Variants in TTC7B observed in about 807,000 individuals in gnomAD.
TTC7B encodes tetratricopeptide repeat protein 7B.
Under a neutral mutation model 106.8 loss-of-function variants are expected in TTC7B, and 28 were observed. The observed-to-expected ratio is 0.26, with a 90% CI of 0.19 to 0.36. The LOEUF (loss-of-function observed/expected upper bound fraction) is 0.36. Among genes scored for constraint, TTC7B ranks in the 10% least tolerant of loss-of-function variants. The pLI, the probability that TTC7B is intolerant of heterozygous loss-of-function variation, is 1.00. For missense variants in TTC7B, 862 were observed against 1,076.4 expected (o/e 0.80, Z 2.79); for synonymous variants, 405 against 430.6 (o/e 0.94, Z 0.74).
At chr14:90,765,905 C>T (rs1352395036) in intron 3 of TTC7B, among the ~76,000 whole-genome samples, 1 of 152,206 alleles carries the variant, frequency 6.6e-6, no homozygotes, top group Non-Finnish European at 1.5e-5. Context: ...ACAGAAGTGA[C>T]ATCCAGAGGA....
chr14:90,699,076 A>G (rs2139951878), intron 5 of TTC7B: 1 of 431,082 alleles, frequency 2.3e-6, no homozygotes, highest in African/African-American at 2.0e-5. Context: ...TCCTGGCGAT[A>G]GGTTCCAGTT....
intron 17 of TTC7B, among the ~76,000 whole-genome samples, chr14:90,604,456 C>T (rs1040281520): frequency 2.0e-4 from 30 of 152,090 alleles, no homozygotes; most frequent in African/African-American, 5.8e-4. Context: ...GGTTTCTCGG[C>T]GTGGATGGTT....
At chr14:90,639,388 A>G (rs1369474759) in intron 15 of TTC7B, among the ~76,000 whole-genome samples, 1 of 152,228 alleles carries the variant, frequency 6.6e-6, no homozygotes, top group Non-Finnish European at 1.5e-5. Flanking sequence ...GGAATTTCAC[A>G]TACACTTCAC....
At chr14:90,764,913 G>A (rs1282200832) in intron 3 of TTC7B, among the ~76,000 whole-genome samples, 4 of 152,106 alleles carry the variant, frequency 2.6e-5, no homozygotes, top group Non-Finnish European at 2.9e-5. Context: ...GAGTTACCAT[G>A]TAATCCAATA....
chr14:90,721,602 A>G (rs1888901207), intron 5 of TTC7B, among the ~76,000 whole-genome samples: 1 of 152,058 alleles, frequency 6.6e-6, no homozygotes, highest in South Asian at 2.1e-4. Flanking sequence ...TTCAAGTGTA[A>G]TATATTGCTA....
intron 19 of TTC7B, among the ~76,000 whole-genome samples, chr14:90,560,355 AAGT>A (rs1300373110): frequency 6.6e-6 from 1 of 152,234 alleles, no homozygotes; most frequent in Admixed American, 6.5e-5. Context: ...CACTGCATGC[AAGT>A]GTGAACCAGC....
chr14:90,734,711 C>T (rs1249304805), intron 4 of TTC7B, among the ~76,000 whole-genome samples: 1 of 152,096 alleles, frequency 6.6e-6, no homozygotes, highest in African/African-American at 2.4e-5. Context: ...CTGAGAATTC[C>T]CACCACAGCA....
rs1464546101 is a variant in TTC7B at position 90,757,135 on chromosome 14, C to T, written c.446-12213G>A. Among the ~76,000 whole-genome samples, 2 of 152,196 alleles carry T rather than the reference C, an allele frequency of 1.3e-5. No homozygotes were observed. Among genetic ancestry groups the T allele is most frequent in the African/African-American group, 4.8e-5 (2 of 41,452 alleles). ...GGCATGGCCCCACAGCGCCCCCTCA[C>T]AACCCCTACTACCACATCTCTGGGT... On this transcript the variant is annotated intron_variant, in intron 3 of 19. Coordinates refer to ENST00000328459, the MANE Select transcript of TTC7B (RefSeq NM_001010854.2). The surrounding 1 kb of genome is among the most constrained non-coding windows in gnomAD (Gnocchi z 4.1).
chr14:90,762,550 G>C (rs1890534659), intron 3 of TTC7B, among the ~76,000 whole-genome samples: 1 of 152,194 alleles, frequency 6.6e-6, no homozygotes, highest in East Asian at 1.9e-4. Flanking sequence ...GTCAGGGGCT[G>C]GCAGTTTCCT....
intron 1 of TTC7B, among the ~76,000 whole-genome samples, chr14:90,790,195 T>C (rs570863048): frequency 6.6e-6 from 1 of 152,194 alleles, no homozygotes; most frequent in Admixed American, 6.5e-5. Flanking sequence ...GTGTAAACAA[T>C]AGGAATTTCT....
chr14:90,701,788 G>A (rs1223872452), intron 5 of TTC7B, among the ~76,000 whole-genome samples: 1 of 102,698 alleles, frequency 9.7e-6, no homozygotes, highest in Non-Finnish European at 1.9e-5. Context: ...GTATATGTGT[G>A]TGTGTGTGTA....
At chr14:90,567,221 G>A (rs1044005061) in intron 19 of TTC7B, among the ~76,000 whole-genome samples, 1 of 152,190 alleles carries the variant, frequency 6.6e-6, no homozygotes, top group African/African-American at 2.4e-5. Flanking sequence ...TTGGCAACAT[G>A]AGTGCCAAAG....
intron 5 of TTC7B, among the ~76,000 whole-genome samples, chr14:90,696,748 C>T (rs1887765649): frequency 6.6e-6 from 1 of 152,178 alleles, no homozygotes; most frequent in African/African-American, 2.4e-5. Flanking sequence ...CTCTCACCCA[C>T]ACATATCAGA....
chr14:90,581,611 C>T (rs1891492946), intron 18 of TTC7B, among the ~76,000 whole-genome samples: 1 of 152,186 alleles, frequency 6.6e-6, no homozygotes, highest in African/African-American at 2.4e-5. Context: ...TCCAAGATCC[C>T]AGTCCTGGAG....
intron 1 of TTC7B, among the ~76,000 whole-genome samples, chr14:90,787,942 C>T (rs1188652754): frequency 6.6e-6 from 1 of 152,206 alleles, no homozygotes; most frequent in Non-Finnish European, 1.5e-5. Flanking sequence ...GCAGGGGAAT[C>T]ACCTGAGGTC....
intron 13 of TTC7B, 24 bp downstream of exon 13, chr14:90,652,817 G>C: frequency 1.2e-6 from 2 of 1,613,566 alleles, no homozygotes; most frequent in Non-Finnish European, 1.7e-6. Flanking sequence ...GTACAGCCGA[G>C]TGAAAAGATG....
At chr14:90,760,959 C>T (rs776615120) in intron 3 of TTC7B, among the ~76,000 whole-genome samples, 6 of 152,182 alleles carry the variant, frequency 3.9e-5, no homozygotes, top group Non-Finnish European at 8.8e-5. Flanking sequence ...TCCCTCTACC[C>T]TCCAAGGAAA....
intron 5 of TTC7B, among the ~76,000 whole-genome samples, chr14:90,699,639 T>C (rs1887906671): frequency 6.6e-6 from 1 of 152,202 alleles, no homozygotes; most frequent in African/African-American, 2.4e-5. Context: ...GCTGAGAATC[T>C]TATAACTAAA....
intron 19 of TTC7B, among the ~76,000 whole-genome samples, chr14:90,566,118 G>A (rs969663862): frequency 6.6e-6 from 1 of 152,136 alleles, no homozygotes; most frequent in South Asian, 2.1e-4. Flanking sequence ...TTGGGAGGCT[G>A]AGGTGAGCAG....
Sources: allele counts gnomAD v4.1 joint callset (sites outside exome capture counted in the v4.1 genomes callset), GRCh38; gene constraint gnomAD v4.1.1; non-coding constraint Gnocchi (gnomAD v3.1); transcripts MANE v1.5; gene names NCBI Gene and HGNC (gene_info 2026-07-23, HGNC 2026-07-21).